GABPB1: variants seen among roughly 807,000 people sequenced by gnomAD.
GABPB1 encodes GA-binding protein subunit beta-1.
In GABPB1, 15 loss-of-function variants were observed where a neutral mutation model predicts 45.9. That is an observed-to-expected ratio of 0.33 (90% confidence interval 0.22 to 0.50). GABPB1 has a LOEUF of 0.50. Ranked by LOEUF, GABPB1 falls within the 20% of genes least tolerant of loss-of-function variation. The probability of loss-of-function intolerance (pLI) is 0.98; values close to 1 mark genes in which losing one functional copy is unlikely to be tolerated. For synonymous variants in GABPB1, 143 were observed against 154.4 expected (o/e 0.93, Z 0.55); for missense variants, 252 against 457.5 (o/e 0.55, Z 4.10).
intron 1 of GABPB1, chr15:50,352,335 CT>C (rs11323034): frequency 0.6 from 85,304 of 141,266 alleles, 25,974 homozygotes; most frequent in African/African-American, 0.73. Flanking sequence ...ACCAAGCATA[CT>C]TTTTTTTTTT....
intron 1 of GABPB1, among the ~76,000 whole-genome samples, chr15:50,336,062 A>AT (rs576357290): frequency 6.1e-4 from 93 of 151,830 alleles, no homozygotes; most frequent in African/African-American, 2.2e-3. Context: ...TTAGAAAATG[A>AT]TTTTGAGGCT....
chr15:50,332,683 G>A (rs983923988), intron 1 of GABPB1, among the ~76,000 whole-genome samples: 1 of 151,962 alleles, frequency 6.6e-6, no homozygotes, highest in Non-Finnish European at 1.5e-5. Context: ...ACTGTTGAAG[G>A]TGGGTAATAA....
chr15:50,326,591 G>A (rs2047774232), intron 1 of GABPB1, among the ~76,000 whole-genome samples: 1 of 152,178 alleles, frequency 6.6e-6, no homozygotes, highest in African/African-American at 2.4e-5. Context: ...GAACCCGGAA[G>A]GCAGAGGTTG....
At chr15:50,308,849 A>T (rs1434435823) in intron 2 of GABPB1, among the ~76,000 whole-genome samples, 1 of 152,208 alleles carries the variant, frequency 6.6e-6, no homozygotes, top group East Asian at 1.9e-4. Flanking sequence ...TTATGGATAA[A>T]ATGATATGGT....
At chr15:50,329,398 C>A (rs535264112) in intron 1 of GABPB1, among the ~76,000 whole-genome samples, 3 of 152,102 alleles carry the variant, frequency 2.0e-5, no homozygotes, top group African/African-American at 7.2e-5. Flanking sequence ...ATACTTGTAT[C>A]TCTATTGATT....
chr15:50,317,777 TG>T (rs1209561332), intron 1 of GABPB1, among the ~76,000 whole-genome samples: 1 of 151,790 alleles, frequency 6.6e-6, no homozygotes, highest in African/African-American at 2.4e-5. Flanking sequence ...AGCGTGGTGA[TG>T]GGTGCCTGCA....
Position 50,348,576 on chromosome 15 carries a change from C to T in GABPB1, c.-1+6409G>A, listed in dbSNP as rs538773146. ...ATTTTTTTTTTTTTAAACTTTGAAACTTTTTGGCTGGGCACAGTGGCTCAC... is the reference window on the plus strand; with the variant it reads ...ATTTTTTTTTTTTTAAACTTTGAAATTTTTTGGCTGGGCACAGTGGCTCAC... On this transcript the variant is annotated intron_variant, in intron 1 of 8. Coordinates refer to ENST00000380877, the MANE Select transcript of GABPB1 (RefSeq NM_016654.5). 1.4e-3 allele frequency among the ~76,000 whole-genome samples: 209 copies of T among 146,330 alleles called. 3 individuals are homozygous for T. Among genetic ancestry groups the T allele is most frequent in the African/African-American group, 5.1e-3 (203 of 40,064 alleles).
At chr15:50,328,278 G>C (rs997276837) in intron 1 of GABPB1, among the ~76,000 whole-genome samples, 1 of 150,760 alleles carries the variant, frequency 6.6e-6, no homozygotes, top group Non-Finnish European at 1.5e-5. Flanking sequence ...TACACATGTT[G>C]TATTTGGTTA....
intron 1 of GABPB1, among the ~76,000 whole-genome samples, chr15:50,345,178 C>T (rs2048518863): frequency 6.6e-6 from 1 of 152,148 alleles, no homozygotes; most frequent in South Asian, 2.1e-4. Flanking sequence ...GGCAAACTAA[C>T]ACAAACGGCA....
intron 1 of GABPB1, among the ~76,000 whole-genome samples, chr15:50,343,547 C>CT (rs1318310608): frequency 2.7e-5 from 4 of 147,742 alleles, no homozygotes; most frequent in Non-Finnish European, 4.5e-5. Context: ...CCCCTCACCT[C>CT]TTTTTTTTTT....
At chr15:50,301,005 AG>A in intron 5 of GABPB1, 103 bp from the exon 6 acceptor site, 2 of 827,010 alleles carry the variant, frequency 2.4e-6, no homozygotes, top group Admixed American at 2.4e-5. Flanking sequence ...AAGCTTGGAT[AG>A]CATTAGCTTT....
chr15:50,350,078 G>T (rs1297659538), intron 1 of GABPB1: 5 of 151,942 alleles, frequency 3.3e-5, no homozygotes, highest in African/African-American at 4.8e-5. Context: ...TGGCTGAGAA[G>T]GCAGTACCCC....
chr15:50,346,617 G>T (rs1179830059), intron 1 of GABPB1, among the ~76,000 whole-genome samples: 4 of 136,552 alleles, frequency 2.9e-5, no homozygotes, highest in Non-Finnish European at 6.2e-5. Context: ...GTAGAGATGG[G>T]AGTCTCACTA....
chr15:50,353,564 ATTTT>A (rs1207549140), intron 1 of GABPB1: 1 of 149,352 alleles, frequency 6.7e-6, no homozygotes, highest in East Asian at 1.9e-4. Flanking sequence ...TAATGGATTT[ATTTT>A]TTGTTTTTGG....
In GABPB1 at chr15:50,340,880, AATATTACATATTAC is replaced by A. The variant is rs11277221; in HGVS notation, c.-1+14091_-1+14104del. On this transcript the variant is annotated intron_variant, in intron 1 of 8. Transcript: ENST00000380877. ...TTACATATGGTTTATTACCATATGT[AATATTACATATTAC>A]ATATGGTTTATTACCATATGTAATA... 3.5e-5 allele frequency among the ~76,000 whole-genome samples: 3 copies of A among 85,266 alleles called. 1 individual carries two copies. 55.9% of individuals were successfully genotyped at this position (85,266 alleles called of 152,430 possible).
intron 7 of GABPB1, among the ~76,000 whole-genome samples, chr15:50,287,538 T>C (rs1267681325): frequency 6.6e-6 from 1 of 152,088 alleles, no homozygotes; most frequent in South Asian, 2.1e-4. Flanking sequence ...ATAACACAAA[T>C]ACTGAGGTAG....
chr15:50,301,049 T>C, intron 5 of GABPB1, 147 bp from the exon 6 acceptor site: 1 of 823,402 alleles, frequency 1.2e-6, no homozygotes, highest in Non-Finnish European at 1.9e-6. Flanking sequence ...TTTTGTAATA[T>C]CACCTTTCTT....
chr15:50,319,833 G>A (rs1463565004), intron 1 of GABPB1, among the ~76,000 whole-genome samples: 3 of 144,302 alleles, frequency 2.1e-5, no homozygotes, highest in South Asian at 4.5e-4. Flanking sequence ...GTGAGACTCC[G>A]TCTCAAAAAT....
At chr15:50,345,397 T>C (rs765528929) in intron 1 of GABPB1, among the ~76,000 whole-genome samples, 8 of 152,062 alleles carry the variant, frequency 5.3e-5, no homozygotes, top group Non-Finnish European at 8.8e-5. Flanking sequence ...AGACCTTGTC[T>C]CTACCAGGAA....
Sources: allele counts gnomAD v4.1 joint callset (sites outside exome capture counted in the v4.1 genomes callset), GRCh38; gene constraint gnomAD v4.1.1; transcripts MANE v1.5; gene names NCBI Gene and HGNC (gene_info 2026-07-23, HGNC 2026-07-21).